UTS2: variants seen among roughly 807,000 people sequenced by gnomAD.
UTS2 encodes the protein urotensin-2.
UTS2 carries 10 observed loss-of-function variants against 12.6 expected under a neutral mutation model. The ratio of observed to expected loss-of-function variants is 0.80; its 90% CI spans 0.49 to 1.35. UTS2 has a LOEUF of 1.35. Ranked by LOEUF, UTS2 falls within the 40% of genes most tolerant of loss-of-function variation. The pLI, the probability that UTS2 is intolerant of heterozygous loss-of-function variation, is 0.00. For synonymous variants in UTS2, 52 were observed against 50.0 expected, an observed-to-expected ratio of 1.04 and a Z score of -0.17; for missense variants, 142 against 143.2, an observed-to-expected ratio of 0.99 and a Z score of 0.04.
At chr1:7,847,972 T>G in intron 3 of UTS2, 90 bp from the exon 4 acceptor site, 1 of 901,676 alleles carries the variant, frequency 1.1e-6, no homozygotes, top group Non-Finnish European at 1.7e-6. Context: ...GAATCTTGAG[T>G]CAAGACACTG....
At chr1:7,894,368 C>T in the UTS2 span, among the ~76,000 whole-genome samples, 2 of 151,700 alleles carry the variant, frequency 1.3e-5, no homozygotes, top group Non-Finnish European at 2.9e-5. Flanking sequence ...GAGACGGGGT[C>T]GCATCATGTT....
At chr1:7,898,037 A>G in the UTS2 span, among the ~76,000 whole-genome samples, 2 of 152,116 alleles carry the variant, frequency 1.3e-5, no homozygotes, top group Non-Finnish European at 2.9e-5. Flanking sequence ...ATCTTGATAA[A>G]CTTCTCTTGT....
the UTS2 span, among the ~76,000 whole-genome samples, chr1:7,894,173 CTTTTTT>C: frequency 2.0e-5 from 3 of 149,444 alleles, no homozygotes; most frequent in Non-Finnish European, 4.5e-5. Context: ...TTATCTCTCT[CTTTTTT>C]TATTTCTTTT....
chr1:7,881,512 G>T, the UTS2 span, among the ~76,000 whole-genome samples: 1 of 151,906 alleles, frequency 6.6e-6, no homozygotes, highest in African/African-American at 2.4e-5. Context: ...AAGAAATCAA[G>T]AAATAAATCC....
chr1:7,882,888 C>T, the UTS2 span, among the ~76,000 whole-genome samples: 1 of 151,980 alleles, frequency 6.6e-6, no homozygotes, highest in Non-Finnish European at 1.5e-5. Flanking sequence ...ATTCGAATGG[C>T]TATTATCAAA....
At chr1:7,889,047 A>G in the UTS2 span, among the ~76,000 whole-genome samples, 2 of 151,714 alleles carry the variant, frequency 1.3e-5, no homozygotes, top group Admixed American at 1.3e-4. Flanking sequence ...CGCTCAACAT[A>G]TATTAGCTGT....
the UTS2 span, among the ~76,000 whole-genome samples, chr1:7,868,552 A>G: frequency 6.6e-4 from 101 of 152,266 alleles, 1 homozygote; most frequent in Non-Finnish European, 1.0e-3. Context: ...AGCCCAGCAG[A>G]CACAACCACC....
At chr1:7,862,015 C>A in the UTS2 span, among the ~76,000 whole-genome samples, 1 of 151,540 alleles carries the variant, frequency 6.6e-6, no homozygotes, top group Non-Finnish European at 1.5e-5. Flanking sequence ...CTGGTTCAAG[C>A]GATTCTCCTG....
chr1:7,871,646 G>A, the UTS2 span, among the ~76,000 whole-genome samples: 5 of 151,892 alleles, frequency 3.3e-5, no homozygotes, highest in African/African-American at 1.2e-4. Context: ...TTTTTCCAGC[G>A]GCATGTGCTC....
At chr1:7,886,197 C>A in the UTS2 span, among the ~76,000 whole-genome samples, 3 of 152,186 alleles carry the variant, frequency 2.0e-5, no homozygotes, top group Non-Finnish European at 4.4e-5. Flanking sequence ...GGCCTCAAAA[C>A]CCCCGGCTGT....
the UTS2 span, among the ~76,000 whole-genome samples, chr1:7,870,387 G>A: frequency 6.6e-6 from 1 of 152,146 alleles, no homozygotes; most frequent in Non-Finnish European, 1.5e-5. Context: ...TGGACTTCCA[G>A]CCTCCAGGAC....
chr1:7,857,060 GA>G (rs1279961457), upstream of UTS2, among the ~76,000 whole-genome samples: 1 of 113,882 alleles, frequency 8.8e-6, no homozygotes, highest in East Asian at 2.6e-4. Flanking sequence ...GACTCTGTAG[GA>G]AAAGAAAGAG....
chr1:7,866,434 G>C, the UTS2 span, among the ~76,000 whole-genome samples: 1 of 152,194 alleles, frequency 6.6e-6, no homozygotes, highest in Non-Finnish European at 1.5e-5. This position sits in a 1 kb window ranked among gnomAD's most constrained non-coding sequence, Gnocchi z 4.5. Flanking sequence ...GCCCACAGGA[G>C]GAAGTCCAGG....
intron 1 of UTS2, among the ~76,000 whole-genome samples, chr1:7,852,270 C>G (rs1322703588): frequency 1.3e-5 from 2 of 151,994 alleles, no homozygotes; most frequent in African/African-American, 2.4e-5. Flanking sequence ...TCTCATTTCT[C>G]TAACTAAATG....
At chr1:7,854,622 G>A (rs938443944), upstream of UTS2, among the ~76,000 whole-genome samples, 2 of 151,676 alleles carry the variant, frequency 1.3e-5, no homozygotes, top group East Asian at 1.9e-4. Flanking sequence ...ATATTTCTTA[G>A]ACAAGACACA....
At chr1:7,901,136 G>T in the UTS2 span, among the ~76,000 whole-genome samples, 4 of 152,102 alleles carry the variant, frequency 2.6e-5, no homozygotes, top group African/African-American at 7.2e-5. Context: ...CAAATGTATT[G>T]GCAAAAACCC....
the UTS2 span, among the ~76,000 whole-genome samples, chr1:7,866,617 A>G: frequency 6.6e-6 from 1 of 152,180 alleles, no homozygotes; most frequent in East Asian, 1.9e-4. The surrounding 1 kb of genome is among the most constrained non-coding windows in gnomAD (Gnocchi z 4.5). Context: ...CAAGGGCTCC[A>G]CTCAGCTTTC....
At position 7,853,023 on chromosome 1, in the gene UTS2, G is replaced by A. The variant is rs1371462171; in HGVS notation, c.-20C>T. The A allele has an allele frequency of 6.3e-7, 1 of 1,597,706 alleles. No individual in the cohort carries two copies. The highest frequency in any genetic ancestry group is 2.2e-5 in the East Asian group (1 of 44,742). ...ATACATGATCGCCACAAGATAGACG[G>A]CTTCCTTCTTGGCTTCTGTTGTAGA... On this transcript the variant is annotated 5_prime_UTR_variant, in exon 1 of 4. Transcript: ENST00000361696.
chr1:7,899,994 G>A, the UTS2 span, among the ~76,000 whole-genome samples: 1 of 152,210 alleles, frequency 6.6e-6, no homozygotes, highest in Non-Finnish European at 1.5e-5. Context: ...GAGAGCGAGA[G>A]TGTACCCAAC....
Sources: gnomAD v4.1 joint callset for allele counts (sites outside exome capture counted in the v4.1 genomes callset) on GRCh38, gnomAD v4.1.1 for gene constraint, Gnocchi (gnomAD v3.1) non-coding constraint, MANE v1.5 for transcripts, NCBI Gene and HGNC (gene_info 2026-07-23, HGNC 2026-07-21) for gene names.